The following WWP2 variants were observed in gnomAD, a reference collection of about 807,000 sequenced individuals.
WWP2 encodes NEDD4-like E3 ubiquitin-protein ligase WWP2.
A neutral mutation model predicts 121.0 loss-of-function variants in WWP2; 57 were observed. The ratio of observed to expected loss-of-function variants is 0.47; its 90% CI spans 0.38 to 0.59. The LOEUF (loss-of-function observed/expected upper bound fraction) is 0.59. Among genes scored for constraint, WWP2 ranks in the 20% least tolerant of loss-of-function variants. The pLI, the probability that WWP2 is intolerant of heterozygous loss-of-function variation, is 0.00. For synonymous variants in WWP2, 449 were observed against 441.3 expected, an observed-to-expected ratio of 1.02 and a Z score of -0.22; for missense variants, 962 against 1,158.9, an observed-to-expected ratio of 0.83 and a Z score of 2.47.
Position 69,771,435 on chromosome 16 carries a change from C to T in WWP2, c.-16+9044C>T, listed in dbSNP as rs536094333. ...CTAATTTTTGTATTTTTAGTAGAGA[C>T]GGGGTTTCCCCATGTTGGCCAGGCT... On this transcript the variant is annotated intron_variant, in intron 1 of 23. Transcript: ENST00000359154. Among the ~76,000 whole-genome samples the T allele has an allele frequency of 4.6e-5, 7 of 152,134 alleles. No homozygotes were observed. In the East Asian group the frequency reaches 9.7e-4, roughly 21 times the overall value.
At chr16:69,913,619 A>C (rs2058434016) in intron 9 of WWP2, among the ~76,000 whole-genome samples, 1 of 152,106 alleles carries the variant, frequency 6.6e-6, no homozygotes, top group Admixed American at 6.6e-5. Flanking sequence ...TGGAAAGGAA[A>C]ACCAGATTAT....
At chr16:69,805,269 C>T (rs2056251631) in intron 4 of WWP2, among the ~76,000 whole-genome samples, 1 of 152,070 alleles carries the variant, frequency 6.6e-6, no homozygotes, top group Non-Finnish European at 1.5e-5. Context: ...CTCCTGACCT[C>T]AGGCGATTTG....
chr16:69,807,634 A>AG (rs1358839267), intron 4 of WWP2, among the ~76,000 whole-genome samples: 1 of 150,318 alleles, frequency 6.7e-6, no homozygotes, highest in East Asian at 2.0e-4. Flanking sequence ...AAAAAAAAAA[A>AG]AAAAAAAAAA....
chr16:69,821,624 T>G (rs1319996843), intron 4 of WWP2, among the ~76,000 whole-genome samples: 1 of 152,210 alleles, frequency 6.6e-6, no homozygotes, highest in Non-Finnish European at 1.5e-5. Flanking sequence ...GGCCAAGGCC[T>G]TTCCTCTTAC....
intron 1 of WWP2, among the ~76,000 whole-genome samples, chr16:69,784,091 C>CTTTTTTTTTTTTTTTT (rs61650147): frequency 1.6e-5 from 1 of 60,872 alleles, no homozygotes; most frequent in Non-Finnish European, 3.0e-5. Flanking sequence ...TTCTTTCTTT[C>CTTTTTTTTTTTTTTTT]TTTTTTTTTT....
intron 10 of WWP2, among the ~76,000 whole-genome samples, chr16:69,923,883 G>A (rs117692719): frequency 0.02 from 3,112 of 152,226 alleles, 46 homozygotes; most frequent in Non-Finnish European, 0.032. Context: ...GATTTTATGA[G>A]ATGCTGTACC....
chr16:69,904,703 A>G (rs925399966), intron 8 of WWP2, among the ~76,000 whole-genome samples: 2 of 152,124 alleles, frequency 1.3e-5, no homozygotes, highest in African/African-American at 4.8e-5. Flanking sequence ...CACTTTTGCC[A>G]GATCCTGCCC....
At chr16:69,934,167 C>T (rs1170383886) in intron 17 of WWP2, 38 bp downstream of exon 17, 2 of 1,606,506 alleles carry the variant, frequency 1.2e-6, no homozygotes, top group Non-Finnish European at 1.7e-6. Context: ...TTCCCTCCTC[C>T]TCTCCCTCCT....
At chr16:69,830,720 A>G (rs2056779245) in intron 4 of WWP2, among the ~76,000 whole-genome samples, 1 of 152,190 alleles carries the variant, frequency 6.6e-6, no homozygotes, top group African/African-American at 2.4e-5. Context: ...GCTGGGTAGA[A>G]GAGACTTTCT....
chr16:69,884,011 G>A (rs1039472075), intron 7 of WWP2, among the ~76,000 whole-genome samples: 1 of 152,066 alleles, frequency 6.6e-6, no homozygotes, highest in African/African-American at 2.4e-5. Context: ...TAAAAGCTTA[G>A]ACAGTATAAA....
chr16:69,794,012 G>T (rs2055973157), intron 2 of WWP2, among the ~76,000 whole-genome samples: 1 of 149,080 alleles, frequency 6.7e-6, no homozygotes, highest in African/African-American at 2.5e-5. Flanking sequence ...CTGCCTCCTG[G>T]GTTCAAGCGA....
At chr16:69,821,076 C>G (rs1203550389) in intron 4 of WWP2, among the ~76,000 whole-genome samples, 2 of 152,222 alleles carry the variant, frequency 1.3e-5, no homozygotes, top group African/African-American at 4.8e-5. Context: ...GCAGTTACAT[C>G]AGCGACTACT....
At chr16:69,915,055 A>G (rs4985455) in intron 9 of WWP2, among the ~76,000 whole-genome samples, 114,743 of 151,618 alleles carry the variant, frequency 0.76, 44,343 homozygotes, top group East Asian at 0.96. Context: ...CGGGTGTGAG[A>G]TGGACACACA....
At chr16:69,765,354 A>G (rs1033289328) in intron 1 of WWP2, among the ~76,000 whole-genome samples, 1 of 152,110 alleles carries the variant, frequency 6.6e-6, no homozygotes, top group Admixed American at 6.6e-5. Flanking sequence ...TGTGGCTCCC[A>G]TCTTATTTCT....
At chr16:69,838,206 C>T (rs1335443277) in intron 4 of WWP2, among the ~76,000 whole-genome samples, 1 of 152,088 alleles carries the variant, frequency 6.6e-6, no homozygotes, top group African/African-American at 2.4e-5. Flanking sequence ...GTGCCATTTA[C>T]TTCTTTGCAA....
rs571286595 is a variant in WWP2, at chr16:69,762,617, C to G, written c.-16+226C>G. Among the ~76,000 whole-genome samples the G allele has an allele frequency of 1.6e-4, 24 of 151,672 alleles. No individual in the cohort carries two copies. In the South Asian group the frequency reaches 5.0e-3, roughly 32 times the overall value. The stretch of plus-strand genomic sequence containing the variant: ...GCCGCGGCCCGCGCGGGGGTTGCTC[C>G]GAAATGGGTGCCCCGGCCGCCAAGG... On this transcript the variant is annotated intron_variant, in intron 1 of 23. Transcript: ENST00000359154.
intron 1 of WWP2, chr16:69,775,250 C>T (rs1220301537): frequency 1.3e-5 from 2 of 152,142 alleles, no homozygotes; most frequent in Non-Finnish European, 2.9e-5. Flanking sequence ...GAGGGCATCT[C>T]TCAAAGGAGG....
chr16:69,864,032 G>A (rs1936163469), intron 6 of WWP2, among the ~76,000 whole-genome samples: 1 of 152,160 alleles, frequency 6.6e-6, no homozygotes, highest in Admixed American at 6.5e-5. Context: ...TTTGCATACA[G>A]GCTTTTATGC....
chr16:69,780,664 C>CT (rs2151784322), intron 1 of WWP2, among the ~76,000 whole-genome samples: 1 of 152,260 alleles, frequency 6.6e-6, no homozygotes, highest in East Asian at 1.9e-4. Flanking sequence ...GAGAGTTGAT[C>CT]TTTTTACTGC....
Sources: allele counts gnomAD v4.1 joint callset (sites outside exome capture counted in the v4.1 genomes callset), GRCh38; gene constraint gnomAD v4.1.1; transcripts MANE v1.5; gene names NCBI Gene and HGNC (gene_info 2026-07-23, HGNC 2026-07-21).